GPC5: variants seen among roughly 807,000 people sequenced by gnomAD.
GPC5 encodes the protein glypican-5.
GPC5 carries 47 observed loss-of-function variants against 53.9 expected under a neutral mutation model. The observed-to-expected ratio is 0.87, with a 90% CI of 0.69 to 1.11. GPC5 has a LOEUF of 1.11. GPC5 is among the 50% of genes most tolerant of loss of function. The pLI, the probability that GPC5 is intolerant of heterozygous loss-of-function variation, is 0.00. For synonymous variants in GPC5, 286 were observed against 263.3 expected (o/e 1.09, Z -0.84); for missense variants, 748 against 713.1 (o/e 1.05, Z -0.56).
intron 2 of GPC5, among the ~76,000 whole-genome samples, chr13:91,557,679 T>A (rs985591509): frequency 5.3e-5 from 8 of 152,176 alleles, no homozygotes; most frequent in Non-Finnish European, 1.0e-4. Context: ...AATCCTTTCA[T>A]TCAAACAGAT....
chr13:92,138,935 C>CT (rs1566452026), intron 6 of GPC5, among the ~76,000 whole-genome samples: 1 of 152,202 alleles, frequency 6.6e-6, no homozygotes, highest in South Asian at 2.1e-4. Flanking sequence ...AAATAACAGA[C>CT]TTTTTGCAAA....
intron 2 of GPC5, among the ~76,000 whole-genome samples, chr13:91,453,723 G>T (rs1473971892): frequency 1.3e-5 from 2 of 152,044 alleles, no homozygotes; most frequent in Non-Finnish European, 2.9e-5. Context: ...ATGAATGAAT[G>T]AATGGTACTT....
chr13:91,803,761 C>G (rs1420759234), intron 5 of GPC5, among the ~76,000 whole-genome samples: 1 of 135,220 alleles, frequency 7.4e-6, no homozygotes, highest in Non-Finnish European at 1.6e-5. Context: ...ACATATATAA[C>G]AGAGACAGAC....
intron 5 of GPC5, among the ~76,000 whole-genome samples, chr13:91,828,624 G>C (rs1031129210): frequency 1.2e-4 from 18 of 151,990 alleles, no homozygotes; most frequent in African/African-American, 4.3e-4. Context: ...TTTCCAGAAA[G>C]TAAATGCTTT....
intron 2 of GPC5, among the ~76,000 whole-genome samples, chr13:91,690,190 T>A (rs942286347): frequency 1.3e-5 from 2 of 152,200 alleles, no homozygotes; most frequent in African/African-American, 4.8e-5. Flanking sequence ...TGATGACATA[T>A]AATTTCCCCT....
At chr13:91,582,293 A>G (rs1020951975) in intron 2 of GPC5, among the ~76,000 whole-genome samples, 1 of 152,218 alleles carries the variant, frequency 6.6e-6, no homozygotes, top group African/African-American at 2.4e-5. Flanking sequence ...TGGACTTGCT[A>G]ATATTTCTGG....
intron 6 of GPC5, among the ~76,000 whole-genome samples, chr13:92,040,705 G>C (rs1318780881): frequency 6.6e-6 from 1 of 152,120 alleles, no homozygotes; most frequent in Non-Finnish European, 1.5e-5. Flanking sequence ...AAAAATTGGG[G>C]AAATAATTCT....
At chr13:92,329,909 C>T (rs1371895383) in intron 7 of GPC5, among the ~76,000 whole-genome samples, 1 of 152,128 alleles carries the variant, frequency 6.6e-6, no homozygotes, top group Non-Finnish European at 1.5e-5. Flanking sequence ...TTGTGCTCTC[C>T]ATAATTGTTT....
intron 7 of GPC5, among the ~76,000 whole-genome samples, chr13:92,418,433 A>G (rs1443616231): frequency 2.6e-5 from 4 of 152,188 alleles, no homozygotes; most frequent in African/African-American, 9.7e-5. Flanking sequence ...TAGTTTAGGG[A>G]AAAAGAGAGT....
At chr13:92,140,029 A>G (rs1181823484) in intron 6 of GPC5, among the ~76,000 whole-genome samples, 8 of 152,216 alleles carry the variant, frequency 5.3e-5, no homozygotes, top group Admixed American at 5.2e-4. Context: ...AAGAAAGTGG[A>G]TTAAGTGCAA....
intron 7 of GPC5, among the ~76,000 whole-genome samples, chr13:92,357,290 A>T (rs373800545): frequency 1.3e-5 from 2 of 151,748 alleles, no homozygotes; most frequent in African/African-American, 4.9e-5. Context: ...AGGAATTGCC[A>T]CACTGCTTTC....
intron 7 of GPC5, among the ~76,000 whole-genome samples, chr13:92,702,123 A>G (rs1326549969): frequency 1.3e-5 from 2 of 152,152 alleles, no homozygotes; most frequent in Admixed American, 6.6e-5. Flanking sequence ...TCACAGTGGC[A>G]TGGTCCTTAG....
intron 6 of GPC5, among the ~76,000 whole-genome samples, chr13:92,066,741 A>G (rs1351329609): frequency 6.6e-6 from 1 of 152,066 alleles, no homozygotes; most frequent in Non-Finnish European, 1.5e-5. Context: ...ATTTTCTTCT[A>G]TTTTACATAC....
rs1403017774 is a variant in GPC5, at chr13:91,571,934, C to CAT, written c.326-121252_326-121251insTA. Among the ~76,000 whole-genome samples, 6 of 125,238 alleles carry CAT rather than the reference C, an allele frequency of 4.8e-5. No individual in the cohort carries two copies. In the East Asian group the frequency reaches 6.8e-4, roughly 14 times the overall value. 82.2% of individuals were successfully genotyped at this position (125,238 alleles called of 152,430 possible). On this transcript the variant is annotated intron_variant, in intron 2 of 7. Coordinates refer to ENST00000377067, the MANE Select transcript of GPC5 (RefSeq NM_004466.6). ...TATATACACATATTGTATATATACA[C>CAT]ACATGTATATACATATACACACATA...
At chr13:92,845,710 A>C (rs1292958688) in intron 7 of GPC5, among the ~76,000 whole-genome samples, 1 of 152,188 alleles carries the variant, frequency 6.6e-6, no homozygotes, top group Non-Finnish European at 1.5e-5. Flanking sequence ...ATTAACCATC[A>C]CACTATCTAT....
chr13:91,969,618 A>G (rs2040221918), intron 6 of GPC5, among the ~76,000 whole-genome samples: 1 of 152,198 alleles, frequency 6.6e-6, no homozygotes, highest in Non-Finnish European at 1.5e-5. Context: ...TGCAAACCAT[A>G]TATCTAGGGA....
At chr13:92,757,593 G>A (rs1308636479) in intron 7 of GPC5, among the ~76,000 whole-genome samples, 3 of 152,058 alleles carry the variant, frequency 2.0e-5, no homozygotes, top group African/African-American at 7.2e-5. Context: ...CTGAAAAAGG[G>A]CTAATATCCA....
intron 5 of GPC5, among the ~76,000 whole-genome samples, chr13:91,882,069 G>A (rs1490859748): frequency 1.3e-5 from 2 of 151,960 alleles, no homozygotes; most frequent in Non-Finnish European, 2.9e-5. Flanking sequence ...TAATTGATTG[G>A]ATTTTATTCT....
At chr13:91,689,476 A>G (rs1014879304) in intron 2 of GPC5, among the ~76,000 whole-genome samples, 1 of 150,760 alleles carries the variant, frequency 6.6e-6, no homozygotes, top group Non-Finnish European at 1.5e-5. Flanking sequence ...ACAGTAGTTT[A>G]TAATAAATTT....
Sources: allele counts gnomAD v4.1 joint callset (sites outside exome capture counted in the v4.1 genomes callset), GRCh38; gene constraint gnomAD v4.1.1; transcripts MANE v1.5; gene names NCBI Gene and HGNC (gene_info 2026-07-23, HGNC 2026-07-21).